Variants in FAM234A observed in about 807,000 individuals in gnomAD.
FAM234A encodes family with sequence similarity 234 member A, also known as protein FAM234A.
A neutral mutation model predicts 49.1 loss-of-function variants in FAM234A; 42 were observed. The observed-to-expected ratio is 0.86, with a 90% CI of 0.67 to 1.11. The LOEUF (loss-of-function observed/expected upper bound fraction) is 1.11. Ranked by LOEUF, FAM234A falls within the 50% of genes least tolerant of loss-of-function variation. FAM234A has a pLI of 0.00. For missense variants in FAM234A, 815 were observed against 745.2 expected (o/e 1.09, Z -1.09); for synonymous variants, 369 against 316.2 (o/e 1.17, Z -1.77).
At chr16:240,717 G>A (rs933854872) in intron 1 of FAM234A, among the ~76,000 whole-genome samples, 1 of 152,030 alleles carries the variant, frequency 6.6e-6, no homozygotes, top group Non-Finnish European at 1.5e-5. Context: ...GGCCAGGTTG[G>A]TCTCGCACTC....
rs745576682 is a variant in FAM234A at position 260,173 on chromosome 16, G to A, written c.577+13G>A. On this transcript the variant is annotated intron_variant, in intron 5 of 12. Coordinates refer to ENST00000399932, the MANE Select transcript of FAM234A (RefSeq NM_032039.4). ...AACTTGTTCACAGGTAGGCCAGCCAGGCAGCGGGGTTCTCACTGAGGGCCT... is the reference window on the plus strand; with the variant it reads ...AACTTGTTCACAGGTAGGCCAGCCAAGCAGCGGGGTTCTCACTGAGGGCCT... 5.0e-6 allele frequency: 8 copies of A among 1,612,330 alleles called. No homozygotes were observed. Among genetic ancestry groups the A allele is most frequent in the Middle Eastern group, 1.8e-4 (1 of 5,656 alleles).
At chr16:240,252 C>T (rs902189111) in intron 1 of FAM234A, 1 of 152,210 alleles carries the variant, frequency 6.6e-6, no homozygotes, top group Admixed American at 6.5e-5. Context: ...ATGATGAAGT[C>T]TGTCGGAAAA....
intron 1 of FAM234A, among the ~76,000 whole-genome samples, chr16:246,609 T>G (rs1390700297): frequency 2.7e-5 from 4 of 150,552 alleles, no homozygotes; most frequent in Non-Finnish European, 5.9e-5. Context: ...TTAGTAGAGA[T>G]GGGGTTTCAC....
chr16:268,299 C>T (rs550877858), downstream of FAM234A: 8 of 238,858 alleles, frequency 3.3e-5, no homozygotes, highest in East Asian at 5.0e-4. Context: ...GCTGCACCCA[C>T]AGCAGGATGG....
chr16:243,460 G>T (rs1225033039), intron 1 of FAM234A, among the ~76,000 whole-genome samples: 2 of 152,152 alleles, frequency 1.3e-5, no homozygotes, highest in Non-Finnish European at 2.9e-5. Flanking sequence ...GGTTCCTGAA[G>T]CTCTGGCTAC....
At chr16:253,336 C>T (rs1047083449) in intron 2 of FAM234A, among the ~76,000 whole-genome samples, 9 of 152,170 alleles carry the variant, frequency 5.9e-5, no homozygotes, top group Admixed American at 4.6e-4. Context: ...TCCTCCCCTG[C>T]GGACTTCTGT....
In FAM234A at chr16:254,609, G is replaced by T. The variant is rs778236270; in HGVS notation, c.196G>T (p.Val66Phe). 1 of 1,614,028 alleles carries T rather than the reference G, an allele frequency of 6.2e-7. No homozygotes were observed. The highest frequency in any genetic ancestry group is 8.5e-7 in the Non-Finnish European group (1 of 1,179,994). The stretch of plus-strand genomic sequence containing the variant: ...TCTCTGCCTTTTTGTGGTGTTCGTC[G>T]TCTCATTCGTCATCCCGTGTCCAGA... ...LFLCLFVVFV[V>F]SFVIPCPDRP... is the part of the protein sequence containing the mutation. The change falls in exon 3 of 13, where the codon GTC becomes TTC. Residue 66 changes from valine to phenylalanine, a missense_variant. By Grantham distance (50) the Val-to-Phe change is conservative (BLOSUM62 -1). Coordinates refer to ENST00000399932, the MANE Select transcript of FAM234A (RefSeq NM_032039.4).
At position 265,112 on chromosome 16, in the gene FAM234A, C is replaced by T. The variant is rs953010458; in HGVS notation, c.*90C>T. 28 of 1,489,976 alleles carry T rather than the reference C, an allele frequency of 1.9e-5. No individual in the cohort carries two copies. Among genetic ancestry groups the T allele is most frequent in the African/African-American group, 5.6e-5 (4 of 71,766 alleles). The allele number at this position is 1,489,976 out of a possible 1,614,324, so 92.3% of individuals were successfully genotyped here. ...GCCCTTCCCTGGGTCTCTGCACTGA[C>T]TCCCCCACTCCTGACCCTGGTGATG... On this transcript the variant is annotated 3_prime_UTR_variant, in exon 13 of 13. Transcript: ENST00000399932.
downstream of FAM234A, chr16:268,995 C>A: frequency 6.7e-7 from 1 of 1,487,106 alleles, no homozygotes; most frequent in Non-Finnish European, 9.2e-7. Flanking sequence ...CTTGGTCTCA[C>A]CTCTCTTCAG....
chr16:260,236 G>A, intron 5 of FAM234A, 76 bp downstream of exon 5: 1 of 1,383,452 alleles, frequency 7.2e-7, no homozygotes, highest in Non-Finnish European at 1.0e-6. Context: ...CTAATGCCAG[G>A]AGGCCGCGAC....
Position 265,694 on chromosome 16 carries a change from A to C in FAM234A, c.*672A>C. 1 of 985,306 alleles carries C rather than the reference A, an allele frequency of 1.0e-6. No individual in the cohort carries two copies. Among genetic ancestry groups the C allele is most frequent in the Non-Finnish European group, 1.2e-6 (1 of 829,920 alleles). The allele number at this position is 985,306 out of a possible 1,614,324, so 61.0% of individuals were successfully genotyped here. On this transcript the variant is annotated 3_prime_UTR_variant, in exon 13 of 13. Transcript: ENST00000399932. ...GCAGGATGGGTGGGGCCTGCTCTGG[A>C]GCTGAGCCCGTGGCCGCTCACAGGT...
chr16:259,672 G>C (rs987134922), intron 4 of FAM234A, 73 bp downstream of exon 4: 28 of 953,674 alleles, frequency 2.9e-5, no homozygotes, highest in Admixed American at 1.7e-4. Context: ...TCACCCTCTC[G>C]CTTTCAGTGT....
At chr16:256,368 GTCT>G (rs2051232846) in intron 3 of FAM234A, among the ~76,000 whole-genome samples, 2 of 151,998 alleles carry the variant, frequency 1.3e-5, no homozygotes, top group African/African-American at 4.8e-5. Flanking sequence ...GTTATTGTCT[GTCT>G]TCTTATTACA....
Position 263,746 on chromosome 16 carries a change from G to A in FAM234A, c.1159G>A (p.Val387Ile), listed in dbSNP as rs367768007. The change falls in exon 10 of 13, where the codon GTT (valine) becomes ATT (isoleucine). Residue 387 changes from valine to isoleucine, a missense_variant. Val to Ile is a conservative substitution (Grantham distance 29). Coordinates refer to ENST00000399932, the MANE Select transcript of FAM234A (RefSeq NM_032039.4). ...CAAACCAGACACCTTGGCTGTAGCC[G>A]TTGAAAACGGAACTGGCACCGACAG... ...RYKPDTLAVA[V>I]ENGTGTDRQI... 94 of 1,613,972 alleles carry A rather than the reference G, an allele frequency of 5.8e-5. No individual in the cohort carries two copies. Among genetic ancestry groups the A allele is most frequent in the African/African-American group, 1.6e-4 (12 of 75,052 alleles).
At position 261,367 on chromosome 16, in the gene FAM234A, C is replaced by T. The variant is rs371285767; in HGVS notation, c.578-17C>T. The T allele has an allele frequency of 3.7e-5, 59 of 1,602,172 alleles. No individual in the cohort carries two copies. The highest frequency in any genetic ancestry group is 9.9e-5 in the South Asian group (9 of 90,824). On this transcript the variant is annotated splice_polypyrimidine_tract_variant and intron_variant, in intron 5 of 12. Transcript: ENST00000399932. ...GGGACTCAGGGCCACGTTCCGTGACCGTGTGCTTGATTCTAGGGGAAACCC... is the reference window on the plus strand; with the variant it reads ...GGGACTCAGGGCCACGTTCCGTGACTGTGTGCTTGATTCTAGGGGAAACCC...
intron 1 of FAM234A, among the ~76,000 whole-genome samples, chr16:236,999 C>T (rs1021349243): frequency 1.3e-5 from 2 of 151,938 alleles, no homozygotes; most frequent in Admixed American, 6.6e-5. Flanking sequence ...AGCAACCCTC[C>T]TTTGTTGGCC....
At chr16:260,780 C>T (rs1286821085) in intron 5 of FAM234A, 8 of 385,278 alleles carry the variant, frequency 2.1e-5, no homozygotes, top group South Asian at 1.6e-4. Context: ...AAAGAGCAGG[C>T]TGAAAATATT....
chr16:266,730 T>A (rs2051702964), downstream of FAM234A, among the ~76,000 whole-genome samples: 1 of 152,130 alleles, frequency 6.6e-6, no homozygotes. Flanking sequence ...GGTTCTCTTG[T>A]CCCTGAGAAA....
At chr16:258,717 C>A (rs1417616193) in intron 3 of FAM234A, among the ~76,000 whole-genome samples, 2 of 152,310 alleles carry the variant, frequency 1.3e-5, no homozygotes, top group East Asian at 3.9e-4. Context: ...CTCCTCACTT[C>A]CCAGTAGGGG....
Sources: gnomAD v4.1 joint callset for allele counts (sites outside exome capture counted in the v4.1 genomes callset) on GRCh38, gnomAD v4.1.1 for gene constraint, MANE v1.5 for transcripts, NCBI Gene and HGNC (gene_info 2026-07-23, HGNC 2026-07-21) for gene names.